Variants in ADAD2 observed in about 807,000 individuals in gnomAD.
The protein encoded by ADAD2 is adenosine deaminase domain containing 2.
ADAD2 carries 60 observed loss-of-function variants against 54.5 expected under a neutral mutation model. That is an observed-to-expected ratio of 1.10 (90% CI 0.89 to 1.36). The LOEUF (loss-of-function observed/expected upper bound fraction) is 1.36. Among genes scored for constraint, ADAD2 ranks in the 40% most tolerant of loss-of-function variants. The pLI, the probability that ADAD2 is intolerant of heterozygous loss-of-function variation, is 0.00. For missense variants in ADAD2, 1,103 were observed against 801.3 expected (o/e 1.38, Z -4.54); for synonymous variants, 543 against 366.2 (o/e 1.48, Z -5.51).
intron 1 of ADAD2, among the ~76,000 whole-genome samples, chr16:84,192,093 C>T (rs17735185): frequency 0.022 from 3,352 of 152,274 alleles, 47 homozygotes; most frequent in Middle Eastern, 0.034. Context: ...ACCGTTATTT[C>T]CTCTTCTTCA....
chr16:84,196,801 TCTCCAG>T (rs2089737695), intron 9 of ADAD2, 34 bp downstream of exon 9: 1 of 1,523,834 alleles, frequency 6.6e-7, no homozygotes, highest in African/African-American at 1.4e-5. Flanking sequence ...TCCCGGTCCC[TCTCCAG>T]CCCTGCAGTC....
rs1210580310 is a variant in ADAD2, at chr16:84,191,677, C to T, written c.418+29C>T. ...AGGCCGGGCCGGGGCATGGCTGTGC[C>T]AGAGGGCAGAGCCACGGAGGGCTGG... On this transcript the variant is annotated intron_variant, in intron 1 of 9. Coordinates refer to ENST00000315906, the MANE Select transcript of ADAD2 (RefSeq NM_001145400.2). 4.5e-6 allele frequency: 7 copies of T among 1,549,240 alleles called. No individual in the cohort carries two copies. The African/African-American group carries it at 5.5e-5, about 12-fold the overall frequency.
rs778278520 is a variant in ADAD2, at chr16:84,195,148, A to C, written c.687A>C (p.Pro229=). ...ACCTCCTGTTGGACGAGCGCTCGCC[A>C]TACTGGGCCTGTAAGGGGACTGTGG... The part of the protein sequence containing the change: ...GFDLLLDERS[P]YWACKGTVAG... The change falls in exon 4 of 10, where the codon CCA becomes CCC. Residue 229 remains proline, a synonymous_variant. Transcript: ENST00000315906. The C allele has an allele frequency of 2.5e-6, 4 of 1,613,574 alleles. No homozygotes were observed. Among genetic ancestry groups the C allele is most frequent in the Non-Finnish European group, 1.7e-6 (2 of 1,180,000 alleles).
rs866587923 is a variant in ADAD2, at chr16:84,191,549, C to A, written c.319C>A (p.Pro107Thr). The change falls in exon 1 of 10, where the codon CCG becomes ACG. Residue 107 changes from proline (P) to threonine (T), a missense_variant. Pro to Thr is a conservative substitution (Grantham distance 38). Coordinates refer to ENST00000315906, the MANE Select transcript of ADAD2 (RefSeq NM_001145400.2). ...VPVPPAGLSL[P>T]LKDPPASQAV... ...TGTGCCCCCAGCAGGGCTCAGCCTG[C>A]CGCTCAAAGACCCACCTGCCAGCCA... 6.5e-7 allele frequency: 1 copy of A among 1,548,072 alleles called. No homozygotes were observed. Among genetic ancestry groups the A allele is most frequent in the African/African-American group, 1.4e-5 (1 of 73,142 alleles).
rs767758485 is a variant in ADAD2, at chr16:84,196,663, C to T, written c.1543C>T (p.Pro515Ser). Residue 515 changes from proline to serine, a missense_variant, in exon 9 of 10, where the codon CCC (proline) becomes TCC (serine). Coordinates refer to ENST00000315906, the MANE Select transcript of ADAD2 (RefSeq NM_001145400.2). ...TTCATCCAGTGCCGCCCTGGGGCCT[C>T]CCTCCCGTCTCTGCAAGGCCTCCTT... The part of the protein sequence containing the change: ...RVKANAALGP[P>S]SRLCKASFLR... The T allele has an allele frequency of 6.2e-7, 1 of 1,613,506 alleles. No individual in the cohort carries two copies. The highest frequency in any genetic ancestry group is 8.5e-7 in the Non-Finnish European group (1 of 1,179,970).
At chr16:84,195,502 C>T in intron 5 of ADAD2, 28 bp from the exon 6 acceptor site, 1 of 1,603,178 alleles carries the variant, frequency 6.2e-7, no homozygotes, top group Non-Finnish European at 8.5e-7. Flanking sequence ...CAAGGTCTTC[C>T]CAACCACCCT....
chr16:84,196,829 C>T (rs1483042126), intron 9 of ADAD2, 41 bp from the exon 10 acceptor site: 3 of 1,595,838 alleles, frequency 1.9e-6, no homozygotes, highest in East Asian at 2.2e-5. Flanking sequence ...CTGCCCCCTG[C>T]AGGTACCTCC....
intron 1 of ADAD2, 72 bp from the exon 2 acceptor site, chr16:84,194,370 G>T: frequency 6.4e-7 from 1 of 1,563,118 alleles, no homozygotes. Flanking sequence ...CAGGTGTCAG[G>T]AGGAGGCAGA....
At chr16:84,192,927 C>T (rs1342266525) in intron 1 of ADAD2, 1 of 152,052 alleles carries the variant, frequency 6.6e-6, no homozygotes, top group African/African-American at 2.4e-5. Flanking sequence ...TCACTGCAAC[C>T]TTTGCCTTTC....
In ADAD2 at chr16:84,191,189, G is replaced by A; in HGVS notation, c.-42G>A. On this transcript the variant is annotated 5_prime_UTR_variant, in exon 1 of 10. Transcript: ENST00000315906. Reference sequence around the variant, plus strand: ...CTGCGCGTGTGAAAGGGCGAGAGCAGCGCGAGATAGGGCCTAGCGCCTCAG... The same window carrying A: ...CTGCGCGTGTGAAAGGGCGAGAGCAACGCGAGATAGGGCCTAGCGCCTCAG... 6.3e-7 allele frequency: 1 copy of A among 1,584,624 alleles called. No individual in the cohort carries two copies.
chr16:84,192,275 G>A (rs1325672666), intron 1 of ADAD2, among the ~76,000 whole-genome samples: 2 of 152,156 alleles, frequency 1.3e-5, no homozygotes, highest in Non-Finnish European at 2.9e-5. Flanking sequence ...CTCCCGAGGA[G>A]CTGGGACTAC....
At position 84,195,879 on chromosome 16, in the gene ADAD2, C is replaced by G; in HGVS notation, c.1117C>G (p.Leu373Val). The change falls in exon 7 of 10, where the codon CTC (leucine) becomes GTC (valine). Residue 373 changes from leucine (L) to valine (V), a missense_variant. Leu to Val is a conservative substitution (Grantham distance 32). Transcript: ENST00000315906. ...SPPMRLQAHV[L>V]GQLKPVCYVA... ...ACCCATGCGCCTGCAGGCCCATGTG[C>G]TCGGGCAGCTGAAGCCTGTGTGCTA... 1.2e-6 allele frequency: 2 copies of G among 1,604,518 alleles called. No homozygotes were observed. The highest frequency in any genetic ancestry group is 1.7e-6 in the Non-Finnish European group (2 of 1,179,378).
intron 1 of ADAD2, 172 bp downstream of exon 1, chr16:84,191,820 G>A (rs757793881): frequency 1.8e-5 from 17 of 930,378 alleles, no homozygotes; most frequent in South Asian, 4.2e-5. Context: ...ACCCTGCTGT[G>A]AGCAGCGATC....
Position 84,196,922 on chromosome 16 carries a change from A to C in ADAD2, c.1700A>C (p.Gln567Pro), listed in dbSNP as rs2089739740. The change falls in exon 10 of 10, where the codon CAG (glutamine) becomes CCG (proline). Residue 567 changes from glutamine to proline, a missense_variant. By Grantham distance (76) the Gln-to-Pro change is moderately conservative. Transcript: ENST00000315906. ...RRQLSLLLDQ[Q>P]GLGAWPSKPL... is the part of the protein sequence containing the mutation. ...CAGCTGTCTCTCCTCCTGGACCAGC[A>C]GGGCCTGGGGGCTTGGCCCTCGAAG... The C allele has an allele frequency of 6.2e-7, 1 of 1,604,910 alleles. No homozygotes were observed. Among genetic ancestry groups the C allele is most frequent in the Admixed American group, 1.7e-5 (1 of 58,512 alleles).
In ADAD2 at chr16:84,191,518, G is replaced by T; in HGVS notation, c.288G>T (p.Arg96Ser). ...NLGEQMGKAP[R>S]VPVPPAGLSL... ...GGGAACAGATGGGGAAGGCCCCGAGGGTCCCTGTGCCCCCAGCAGGGCTCA... is the reference window on the plus strand; with the variant it reads ...GGGAACAGATGGGGAAGGCCCCGAGTGTCCCTGTGCCCCCAGCAGGGCTCA... Residue 96 changes from arginine to serine, a missense_variant, in exon 1 of 10, where the codon AGG (arginine) becomes AGT (serine). Transcript: ENST00000315906. 1 of 1,545,428 alleles carries T rather than the reference G, an allele frequency of 6.5e-7. No individual in the cohort carries two copies. The highest frequency in any genetic ancestry group is 8.7e-7 in the Non-Finnish European group (1 of 1,146,442).
At chr16:84,196,622 T>C in intron 8 of ADAD2, 25 bp from the exon 9 acceptor site, 2 of 1,610,118 alleles carry the variant, frequency 1.2e-6, no homozygotes, top group African/African-American at 1.3e-5. Context: ...CTCTCTGATC[T>C]CAGTGGTATC....
chr16:84,194,091 C>G (rs1206172373), intron 1 of ADAD2: 2 of 1,613,958 alleles, frequency 1.2e-6, no homozygotes, highest in African/African-American at 1.3e-5. Context: ...GAGCCTTCCT[C>G]CTGAGAACAG....
chr16:84,196,258 G>T lies in ADAD2; in HGVS notation c.1414G>T (p.Val472Leu). The change falls in exon 8 of 10, where the codon GTG (valine) becomes TTG (leucine). Residue 472 changes from valine (V) to leucine (L), a missense_variant. Coordinates refer to ENST00000315906, the MANE Select transcript of ADAD2 (RefSeq NM_001145400.2). ...CCTGCACCTGTTTGCAGGGCCCCCG[G>T]TGGCCCCTTCCGAACCCACCCCTGA... is the stretch of plus-strand genomic sequence containing the variant. The part of the protein sequence containing the change: ...TALHLFAGPP[V>L]APSEPTPDTC... 4 of 1,612,650 alleles carry T rather than the reference G, an allele frequency of 2.5e-6. No homozygotes were observed. The highest frequency in any genetic ancestry group is 3.4e-6 in the Non-Finnish European group (4 of 1,179,942).
chr16:84,195,667 A>G lies in ADAD2; in HGVS notation c.1022A>G (p.Asn341Ser), dbSNP rs1353975863. Residue 341 changes from asparagine (N) to serine (S), a missense_variant, in exon 6 of 10, where the codon AAC (asparagine) becomes AGC (serine). Coordinates refer to ENST00000315906, the MANE Select transcript of ADAD2 (RefSeq NM_001145400.2). ...GTCTTCCTGCACCTCTACATCAGCA[A>G]CACCCCCAAGGGCGCGGCCCGTGAC... Reference protein sequence around the residue: ...PRVFLHLYISNTPKGAARDIY... With the variant: ...PRVFLHLYISSTPKGAARDIY... The G allele has an allele frequency of 1.3e-6, 2 of 1,577,944 alleles. No homozygotes were observed. The highest frequency in any genetic ancestry group is 1.2e-5 in the South Asian group (1 of 86,118).
Sources: gnomAD v4.1 joint callset for allele counts (sites outside exome capture counted in the v4.1 genomes callset) on GRCh38, gnomAD v4.1.1 for gene constraint, MANE v1.5 for transcripts, NCBI Gene and HGNC (gene_info 2026-07-23, HGNC 2026-07-21) for gene names.